The following TTC39B variants were observed in gnomAD, a reference collection of about 807,000 sequenced individuals.
The protein encoded by TTC39B is tetratricopeptide repeat protein 39B.
TTC39B carries 92 observed loss-of-function variants against 96.6 expected under a neutral mutation model. The observed-to-expected ratio is 0.95, with a 90% CI of 0.80 to 1.13. The LOEUF (loss-of-function observed/expected upper bound fraction) is 1.13, where lower values mean the gene tolerates loss of function less well. Among genes scored for constraint, TTC39B ranks in the 50% most tolerant of loss-of-function variants. The pLI is 0.00. For missense variants in TTC39B, 955 were observed against 809.3 expected, an observed-to-expected ratio of 1.18 and a Z score of -2.18; for synonymous variants, 367 against 299.4, an observed-to-expected ratio of 1.23 and a Z score of -2.33.
rs531048075 is a variant in TTC39B at position 15,185,364 on chromosome 9, G to A, written c.1530C>T (p.Ile510=). The A allele has an allele frequency of 1.2e-5, 20 of 1,613,898 alleles. No individual in the cohort carries two copies. The South Asian group carries it at 2.1e-4, about 17-fold the overall frequency. The change falls in exon 16 of 20, where the codon ATC becomes ATT. Residue 510 remains isoleucine (I), a synonymous_variant. Transcript: ENST00000512701. ...TCCTCACAGCAAACTTCTCAGTAGG[G>A]ATAGATTTCCCGGCAATTCTCTGCT...
chr9:15,172,826 T>G (rs1442583055), intron 19 of TTC39B, among the ~76,000 whole-genome samples: 3 of 152,178 alleles, frequency 2.0e-5, no homozygotes, highest in African/African-American at 7.2e-5. Context: ...TAGCCCTTCA[T>G]TTTGAACAGG....
chr9:15,274,376 T>C (rs1206304259), intron 1 of TTC39B, among the ~76,000 whole-genome samples: 1 of 152,250 alleles, frequency 6.6e-6, no homozygotes, highest in African/African-American at 2.4e-5. Flanking sequence ...GACTACCAAC[T>C]AGTCGCATCT....
intron 10 of TTC39B, among the ~76,000 whole-genome samples, 154 bp from the exon 11 acceptor site, chr9:15,190,816 G>A (rs754500834): frequency 1.3e-5 from 2 of 152,056 alleles, no homozygotes; most frequent in Non-Finnish European, 2.9e-5. Context: ...CCCTATCACC[G>A]CAAGAGTGAA....
intron 8 of TTC39B, among the ~76,000 whole-genome samples, chr9:15,198,435 C>A (rs1435702028): frequency 6.9e-6 from 1 of 145,316 alleles, no homozygotes; most frequent in Non-Finnish European, 1.5e-5. Context: ...CCAGCCTGGG[C>A]AACAAAGCAA....
Position 15,245,514 on chromosome 9 carries a change from C to CA in TTC39B, c.276-19503dup, listed in dbSNP as rs1444914922. Reference sequence around the variant, plus strand: ...ATGCTATTACTTTAAAAAATAAAAACAAAAACACCTAAGCTAATATTAAGG... The same window carrying CA: ...ATGCTATTACTTTAAAAAATAAAAACAAAAAACACCTAAGCTAATATTAAGG... On this transcript the variant is annotated intron_variant, in intron 2 of 19. Transcript: ENST00000512701. Among the ~76,000 whole-genome samples the CA allele has an allele frequency of 4.5e-4, 68 of 151,954 alleles. 1 individual carries two copies. The highest frequency in any genetic ancestry group is 4.4e-3 in the Admixed American group (67 of 15,250).
chr9:15,199,952 G>C, intron 7 of TTC39B, 27 bp from the exon 8 acceptor site: 2 of 1,406,046 alleles, frequency 1.4e-6, no homozygotes, highest in Non-Finnish European at 2.0e-6. Flanking sequence ...TAAAAAATTA[G>C]ATTATTTAGC....
chr9:15,183,899 T>C (rs1168662201), intron 16 of TTC39B, among the ~76,000 whole-genome samples: 1 of 152,176 alleles, frequency 6.6e-6, no homozygotes, highest in Non-Finnish European at 1.5e-5. Context: ...AATGGGCCTG[T>C]CTGATGCTGA....
Position 15,191,891 on chromosome 9 carries a change from G to A in TTC39B, c.931-636C>T, listed in dbSNP as rs146698651. Among the ~76,000 whole-genome samples, 7 of 152,318 alleles carry A rather than the reference G, an allele frequency of 4.6e-5. No homozygotes were observed. The East Asian group carries it at 1.4e-3, about 29-fold the overall frequency. On this transcript the variant is annotated intron_variant, in intron 9 of 19. Transcript: ENST00000512701. ...AAGAGGTCTGGGGAAGAAGTACGTG[G>A]TCAGATCTTTCTGAATGGGCAGAAA...
chr9:15,192,706 GA>G lies in TTC39B; in HGVS notation c.825-12del. On this transcript the variant is annotated splice_polypyrimidine_tract_variant and intron_variant, in intron 8 of 19. Coordinates refer to ENST00000512701, the Ensembl canonical transcript of TTC39B. ...ATAGAAAGACATTCTCTGGGTTGAA[GA>G]AAAAAAGTGACAGCATAAGTTGACC... 3.1e-6 allele frequency: 5 copies of G among 1,588,302 alleles called. No homozygotes were observed. The highest frequency in any genetic ancestry group is 1.1e-5 in the South Asian group (1 of 89,018).
chr9:15,286,406 G>A (rs1020388835), intron 1 of TTC39B, among the ~76,000 whole-genome samples: 5 of 152,114 alleles, frequency 3.3e-5, no homozygotes, highest in African/African-American at 1.2e-4. Context: ...ATGTTTCCTT[G>A]TGATTCGAGT....
chr9:15,172,079 G>A (rs1455247094), exon 20 of TTC39B: 2 of 1,612,366 alleles, frequency 1.2e-6, no homozygotes, highest in Admixed American at 3.3e-5. Flanking sequence ...AGTGTAGTCT[G>A]GACTCCAGGG....
rs529863333 is a variant in TTC39B at position 15,266,644 on chromosome 9, CT to C, written c.275+1269del. Among the ~76,000 whole-genome samples the C allele has an allele frequency of 2.2e-3, 340 of 152,248 alleles. 1 individual carries two copies. The highest frequency in any genetic ancestry group is 7.9e-3 in the African/African-American group (330 of 41,544). On this transcript the variant is annotated intron_variant, in intron 2 of 19. Transcript: ENST00000512701. ...AAGTACTGTAAAACAAACGGTGCCCCTCTACCCCCACCTGTACATGCACATG... is the reference window on the plus strand; with the variant it reads ...AAGTACTGTAAAACAAACGGTGCCCCCTACCCCCACCTGTACATGCACATG...
chr9:15,246,823 A>G (rs1822300665), intron 2 of TTC39B, among the ~76,000 whole-genome samples: 1 of 152,232 alleles, frequency 6.6e-6, no homozygotes, highest in Admixed American at 6.5e-5. Context: ...GAGCCACCCC[A>G]GGTGATTCCA....
chr9:15,297,083 C>T (rs556815348), intron 1 of TTC39B, among the ~76,000 whole-genome samples: 3 of 152,348 alleles, frequency 2.0e-5, no homozygotes, highest in East Asian at 3.9e-4. Context: ...AACACACTCA[C>T]AGCAGCTCTC....
chr9:15,247,739 T>C (rs1265288705), intron 2 of TTC39B, among the ~76,000 whole-genome samples: 1 of 151,922 alleles, frequency 6.6e-6, no homozygotes, highest in African/African-American at 2.4e-5. Context: ...TACAAAATGT[T>C]AGGAAGACCT....
chr9:15,198,941 G>C (rs565336834), intron 8 of TTC39B, among the ~76,000 whole-genome samples: 1 of 152,146 alleles, frequency 6.6e-6, no homozygotes, highest in Non-Finnish European at 1.5e-5. Context: ...TATCACCAAA[G>C]TTAAATAGAG....
At chr9:15,228,035 T>C (rs927630443) in intron 2 of TTC39B, among the ~76,000 whole-genome samples, 16 of 152,212 alleles carry the variant, frequency 1.1e-4, no homozygotes, top group South Asian at 8.3e-4. Context: ...TTTTCCCTAA[T>C]CTTTTGCCAT....
chr9:15,307,150 C>A, exon 1 of TTC39B: 1 of 1,606,572 alleles, frequency 6.2e-7, no homozygotes, highest in Non-Finnish European at 8.5e-7. Flanking sequence ...TGCTGCCACC[C>A]AAAAACCAAG....
At chr9:15,180,243 A>T (rs1818177262) in intron 17 of TTC39B, among the ~76,000 whole-genome samples, 1 of 152,208 alleles carries the variant, frequency 6.6e-6, no homozygotes, top group Non-Finnish European at 1.5e-5. Context: ...AAAAATCTGA[A>T]AATAGATTTA....
Sources: allele counts gnomAD v4.1 joint callset (sites outside exome capture counted in the v4.1 genomes callset), GRCh38; gene constraint gnomAD v4.1.1; transcripts MANE v1.5; gene names NCBI Gene and HGNC (gene_info 2026-07-23, HGNC 2026-07-21).